The following GRM8 variants were observed in gnomAD, a reference collection of about 807,000 sequenced individuals.
GRM8 encodes metabotropic glutamate receptor 8.
A neutral mutation model predicts 87.2 loss-of-function variants in GRM8; 47 were observed. The observed-to-expected ratio is 0.54, with a 90% CI of 0.43 to 0.69. The LOEUF is 0.69. Ranked by LOEUF, GRM8 falls within the 30% of genes least tolerant of loss-of-function variation. GRM8 has a pLI of 0.00. For missense variants in GRM8, 1,019 were observed against 1,139.2 expected, an observed-to-expected ratio of 0.89 and a Z score of 1.52; for synonymous variants, 396 against 404.5, an observed-to-expected ratio of 0.98 and a Z score of 0.25.
intron 3 of GRM8, among the ~76,000 whole-genome samples, chr7:127,069,124 G>T (rs991295591): frequency 7.9e-5 from 12 of 152,092 alleles, no homozygotes; most frequent in Non-Finnish European, 1.3e-4. Flanking sequence ...TCCACAGGCA[G>T]CCAGTACACA....
At chr7:126,734,812 A>C (rs1016770157) in intron 7 of GRM8, among the ~76,000 whole-genome samples, 2 of 152,114 alleles carry the variant, frequency 1.3e-5, no homozygotes, top group African/African-American at 2.4e-5. Flanking sequence ...TGAACTTATC[A>C]GGTAAGAGTA....
rs534626358 is a variant in GRM8 at position 127,182,054 on chromosome 7, G to A, written c.510+60641C>T. 7.9e-5 allele frequency among the ~76,000 whole-genome samples: 12 copies of A among 152,132 alleles called. 1 individual carries two copies. The highest frequency in any genetic ancestry group is 2.6e-4 in the African/African-American group (11 of 41,510). On this transcript the variant is annotated intron_variant, in intron 2 of 10. Coordinates refer to ENST00000339582, the MANE Select transcript of GRM8 (RefSeq NM_000845.3). ...AAAGAAACTGTCAGCAGAGTAAACAGACAACCCACAAAGGGGGAGAAAATC... is the reference window on the plus strand; with the variant it reads ...AAAGAAACTGTCAGCAGAGTAAACAAACAACCCACAAAGGGGGAGAAAATC...
intron 7 of GRM8, among the ~76,000 whole-genome samples, chr7:126,627,378 C>G (rs1012391326): frequency 6.6e-6 from 1 of 152,148 alleles, no homozygotes; most frequent in East Asian, 1.9e-4. Context: ...GTAAATTATC[C>G]AAAATGTCAG....
chr7:126,984,325 T>G (rs1811832782), intron 3 of GRM8, among the ~76,000 whole-genome samples: 1 of 152,200 alleles, frequency 6.6e-6, no homozygotes. Context: ...ACTCAAAGTA[T>G]GGATCCTGGG....
At chr7:126,795,882 G>C (rs1821894929) in intron 6 of GRM8, among the ~76,000 whole-genome samples, 1 of 149,958 alleles carries the variant, frequency 6.7e-6, no homozygotes, top group Admixed American at 6.6e-5. Context: ...TTTTGGAAAG[G>C]CAGAGTTTCC....
At chr7:127,213,747 T>C (rs1039008202) in intron 2 of GRM8, among the ~76,000 whole-genome samples, 2 of 152,230 alleles carry the variant, frequency 1.3e-5, no homozygotes, top group Non-Finnish European at 2.9e-5. Flanking sequence ...TTACATTAGG[T>C]TTTATGTTTA....
chr7:126,444,538 T>C (rs778710663), intron 10 of GRM8, among the ~76,000 whole-genome samples: 6 of 152,070 alleles, frequency 3.9e-5, no homozygotes, highest in Non-Finnish European at 8.8e-5. Flanking sequence ...ATAATCTTTT[T>C]AGAACCAATC....
At chr7:126,792,982 C>G (rs1417185314) in intron 6 of GRM8, among the ~76,000 whole-genome samples, 1 of 152,100 alleles carries the variant, frequency 6.6e-6, no homozygotes, top group Non-Finnish European at 1.5e-5. Flanking sequence ...CAGATTCTTC[C>G]CTGCAATACA....
At chr7:127,029,510 G>A (rs1031710063) in intron 3 of GRM8, among the ~76,000 whole-genome samples, 1 of 152,164 alleles carries the variant, frequency 6.6e-6, no homozygotes, top group Admixed American at 6.5e-5. Flanking sequence ...TATGAATCTG[G>A]GTGCTCCTGT....
chr7:126,610,550 A>T (rs1197901664), intron 7 of GRM8, among the ~76,000 whole-genome samples: 1 of 152,202 alleles, frequency 6.6e-6, no homozygotes, highest in East Asian at 1.9e-4. Flanking sequence ...CTCCAAAAGT[A>T]TACATAACTA....
intron 7 of GRM8, among the ~76,000 whole-genome samples, chr7:126,750,496 C>T (rs531454358): frequency 5.3e-5 from 8 of 151,844 alleles, no homozygotes; most frequent in African/African-American, 9.7e-5. Flanking sequence ...ATTAAGCCGA[C>T]GAAGAAAAAA....
At chr7:127,158,714 C>A (rs1295885622) in intron 2 of GRM8, among the ~76,000 whole-genome samples, 2 of 152,062 alleles carry the variant, frequency 1.3e-5, no homozygotes, top group African/African-American at 4.8e-5. Context: ...CCAAAGGCCC[C>A]GCCTCTTAAT....
intron 6 of GRM8, among the ~76,000 whole-genome samples, chr7:126,811,083 C>A (rs986399299): frequency 6.6e-6 from 1 of 152,056 alleles, no homozygotes; most frequent in Non-Finnish European, 1.5e-5. Context: ...CATTCTTCTG[C>A]GTATGGCTAT....
At chr7:127,114,324 G>A (rs1826570334) in intron 2 of GRM8, among the ~76,000 whole-genome samples, 1 of 152,142 alleles carries the variant, frequency 6.6e-6, no homozygotes, top group South Asian at 2.1e-4. Context: ...GGGAAATCAT[G>A]GGGTCAAGGA....
At chr7:126,638,920 G>T (rs1802106927) in intron 7 of GRM8, among the ~76,000 whole-genome samples, 1 of 152,074 alleles carries the variant, frequency 6.6e-6, no homozygotes, top group African/African-American at 2.4e-5. Flanking sequence ...GCACCCCACT[G>T]CCACTTCTGT....
intron 3 of GRM8, among the ~76,000 whole-genome samples, chr7:127,079,333 G>T (rs1490520884): frequency 6.6e-6 from 1 of 152,098 alleles, no homozygotes; most frequent in Admixed American, 6.5e-5. Flanking sequence ...TATGGGTCAG[G>T]ATGGTCTCGA....
chr7:126,811,382 T>G (rs139917931), intron 6 of GRM8, among the ~76,000 whole-genome samples: 8 of 152,018 alleles, frequency 5.3e-5, no homozygotes, highest in African/African-American at 1.9e-4. Context: ...GGTTTTAGGA[T>G]TTTTTTTCTA....
At chr7:126,927,956 T>A (rs1264543885) in intron 3 of GRM8, among the ~76,000 whole-genome samples, 1 of 152,080 alleles carries the variant, frequency 6.6e-6, no homozygotes, top group Non-Finnish European at 1.5e-5. Flanking sequence ...AGCAAAGATG[T>A]GAAACCAACC....
At chr7:126,903,565 T>C (rs868509608) in intron 5 of GRM8, among the ~76,000 whole-genome samples, 5 of 118,534 alleles carry the variant, frequency 4.2e-5, no homozygotes, top group African/African-American at 6.6e-5. Flanking sequence ...CCTAAATACA[T>C]ACACACACAC....
Sources: gnomAD v4.1 joint callset for allele counts (sites outside exome capture counted in the v4.1 genomes callset) on GRCh38, gnomAD v4.1.1 for gene constraint, MANE v1.5 for transcripts, NCBI Gene and HGNC (gene_info 2026-07-23, HGNC 2026-07-21) for gene names.